Variants in FNBP1L observed in about 807,000 individuals in gnomAD.
FNBP1L encodes formin-binding protein 1-like.
A neutral mutation model predicts 91.2 loss-of-function variants in FNBP1L; 36 were observed. That is an observed-to-expected ratio of 0.39 (90% CI 0.30 to 0.52). The LOEUF (loss-of-function observed/expected upper bound fraction) is 0.52. FNBP1L is among the 20% of genes least tolerant of loss of function. FNBP1L has a pLI of 0.66. For synonymous variants in FNBP1L, 242 were observed against 237.0 expected, an observed-to-expected ratio of 1.02 and a Z score of -0.19; for missense variants, 571 against 732.1, an observed-to-expected ratio of 0.78 and a Z score of 2.54.
chr1:93,465,410 G>T (rs373146390), intron 1 of FNBP1L, among the ~76,000 whole-genome samples: 7 of 151,452 alleles, frequency 4.6e-5, no homozygotes, highest in African/African-American at 1.5e-4. Flanking sequence ...GTGTCCAAGT[G>T]ATCTCATTGT....
intron 2 of FNBP1L, among the ~76,000 whole-genome samples, chr1:93,508,902 G>T (rs913519980): frequency 1.3e-5 from 2 of 152,304 alleles, no homozygotes; most frequent in South Asian, 4.1e-4. Flanking sequence ...GCTTTTCTCT[G>T]TGTTGGTTTA....
chr1:93,458,623 G>A (rs1385161980), intron 1 of FNBP1L, among the ~76,000 whole-genome samples: 1 of 152,130 alleles, frequency 6.6e-6, no homozygotes, highest in Non-Finnish European at 1.5e-5. Flanking sequence ...GGACAAGAGG[G>A]ATTACATCAA....
At chr1:93,469,392 A>G (rs997381863) in intron 1 of FNBP1L, among the ~76,000 whole-genome samples, 3 of 152,088 alleles carry the variant, frequency 2.0e-5, no homozygotes, top group Non-Finnish European at 4.4e-5. Context: ...AGCTTCATCC[A>G]TGTCTCTGCA....
intron 1 of FNBP1L, among the ~76,000 whole-genome samples, chr1:93,481,003 T>A (rs926997083): frequency 1.3e-5 from 2 of 151,994 alleles, no homozygotes; most frequent in East Asian, 1.9e-4. Context: ...AAAAAAAAAA[T>A]CATAATCCCA....
Position 93,512,161 on chromosome 1 carries a change from A to G in FNBP1L, c.141-9921A>G, listed in dbSNP as rs990547277. Among the ~76,000 whole-genome samples the G allele has an allele frequency of 3.6e-3, 542 of 152,270 alleles. 2 individuals carry two copies. The highest frequency in any genetic ancestry group is 0.016 in the South Asian group (77 of 4,824). On this transcript the variant is annotated intron_variant, in intron 2 of 16. Transcript: ENST00000271234. The stretch of plus-strand genomic sequence containing the variant: ...GACAGACTTTAAACCAACAAAGATC[A>G]AAAGAGACAAAGAAGGCCATTACAT...
intron 16 of FNBP1L, chr1:93,551,687 T>TA (rs1406460377): frequency 1.0e-6 from 1 of 984,708 alleles, no homozygotes; most frequent in African/African-American, 1.7e-5. Flanking sequence ...AATGAGCAGG[T>TA]AGCACATAAT....
chr1:93,524,578 ATTCT>A (rs1405780788), intron 5 of FNBP1L, among the ~76,000 whole-genome samples: 3 of 126,418 alleles, frequency 2.4e-5, no homozygotes, highest in South Asian at 2.4e-4. Context: ...ATTTAAGGAG[ATTCT>A]TTTTTTTTTT....
chr1:93,546,790 C>T (rs1672256874), intron 12 of FNBP1L, 52 bp from the exon 13 acceptor site: 1 of 1,591,404 alleles, frequency 6.3e-7, no homozygotes, highest in African/African-American at 1.4e-5. Flanking sequence ...ACTCTTTTAT[C>T]TGGAAGCATA....
At chr1:93,503,451 A>G (rs1352179802) in intron 2 of FNBP1L, among the ~76,000 whole-genome samples, 1 of 152,206 alleles carries the variant, frequency 6.6e-6, no homozygotes, top group African/African-American at 2.4e-5. Context: ...GATGTTAAGC[A>G]ATTACATTTT....
intron 1 of FNBP1L, among the ~76,000 whole-genome samples, chr1:93,449,065 C>T (rs1668387117): frequency 1.3e-5 from 2 of 152,242 alleles, no homozygotes; most frequent in Admixed American, 1.3e-4. Context: ...TACGGTCTCC[C>T]TGTTGCTTTA....
chr1:93,471,687 T>C (rs554363124), intron 1 of FNBP1L, among the ~76,000 whole-genome samples: 1 of 152,300 alleles, frequency 6.6e-6, no homozygotes, highest in South Asian at 2.1e-4. Context: ...AGTGAGACCC[T>C]GCCTCAAAAA....
chr1:93,534,952 C>T (rs1032735843), intron 9 of FNBP1L, 44 bp downstream of exon 9: 1 of 1,453,234 alleles, frequency 6.9e-7, no homozygotes, highest in Non-Finnish European at 9.4e-7. Flanking sequence ...TTTAAGTGTA[C>T]CAACTAAAAC....
At position 93,510,163 on chromosome 1, in the gene FNBP1L, A is replaced by G. The variant is rs1670777671; in HGVS notation, c.140+10580A>G. Among the ~76,000 whole-genome samples, 3 of 152,186 alleles carry G rather than the reference A, an allele frequency of 2.0e-5. No homozygotes were observed. The South Asian group carries it at 6.2e-4, about 32-fold the overall frequency. ...TAGGCTCCACCTCTGGGGGCAGGGC[A>G]CAGACAAACAAAAAGCAGTAACCTC... On this transcript the variant is annotated intron_variant, in intron 2 of 16. Coordinates refer to ENST00000271234, the MANE Select transcript of FNBP1L (RefSeq NM_001164473.3).
At chr1:93,488,071 G>T (rs908065601) in intron 1 of FNBP1L, among the ~76,000 whole-genome samples, 4 of 152,218 alleles carry the variant, frequency 2.6e-5, no homozygotes, top group Admixed American at 6.5e-5. Context: ...GCTCAAAATT[G>T]ATGTTTGTTT....
intron 1 of FNBP1L, among the ~76,000 whole-genome samples, chr1:93,468,802 T>C (rs1334434837): frequency 1.3e-5 from 2 of 152,152 alleles, no homozygotes; most frequent in Non-Finnish European, 2.9e-5. Flanking sequence ...AATTGTTGAG[T>C]CATATGGTAA....
chr1:93,461,085 A>G (rs1374380918), intron 1 of FNBP1L, among the ~76,000 whole-genome samples: 1 of 152,014 alleles, frequency 6.6e-6, no homozygotes, highest in Non-Finnish European at 1.5e-5. Flanking sequence ...GTATTTTATG[A>G]TTCCAGGACT....
chr1:93,449,409 C>T (rs1668407023), intron 1 of FNBP1L, among the ~76,000 whole-genome samples: 1 of 152,088 alleles, frequency 6.6e-6, no homozygotes, highest in Non-Finnish European at 1.5e-5. Context: ...CTTTTGTTCG[C>T]GAGGATCTCG....
chr1:93,471,416 G>T (rs1669282074), intron 1 of FNBP1L, among the ~76,000 whole-genome samples: 1 of 152,252 alleles, frequency 6.6e-6, no homozygotes, highest in Middle Eastern at 3.4e-3. Flanking sequence ...TCTTATCCAG[G>T]CACTGTAGCG....
intron 1 of FNBP1L, among the ~76,000 whole-genome samples, chr1:93,475,957 C>T (rs570309179): frequency 1.3e-3 from 191 of 151,856 alleles, no homozygotes; most frequent in African/African-American, 3.6e-3. Context: ...TTTTGTTACC[C>T]GACTCAATTT....
Sources: gnomAD v4.1 joint callset for allele counts (sites outside exome capture counted in the v4.1 genomes callset) on GRCh38, gnomAD v4.1.1 for gene constraint, MANE v1.5 for transcripts, NCBI Gene and HGNC (gene_info 2026-07-23, HGNC 2026-07-21) for gene names.